Variants in FREM2 observed in about 807,000 individuals in gnomAD.
FREM2 encodes FRAS1-related extracellular matrix protein 2.
FREM2 carries 119 observed loss-of-function variants against 219.9 expected under a neutral mutation model. The ratio of observed to expected loss-of-function variants is 0.54; its 90% CI spans 0.47 to 0.63. The LOEUF is 0.63. Ranked by LOEUF, FREM2 falls within the 30% of genes least tolerant of loss-of-function variation. The pLI, the probability that FREM2 is intolerant of heterozygous loss-of-function variation, is 0.00. For missense variants in FREM2, 4,030 were observed against 3,993.6 expected (o/e 1.01, Z -0.25); for synonymous variants, 1,562 against 1,522.8 (o/e 1.03, Z -0.60).
chr13:38,713,815 G>C (rs1870875457), intron 2 of FREM2, among the ~76,000 whole-genome samples: 1 of 152,160 alleles, frequency 6.6e-6, no homozygotes, highest in Non-Finnish European at 1.5e-5. Flanking sequence ...CTAAACCAGT[G>C]GTTCTCAACT....
intron 11 of FREM2, among the ~76,000 whole-genome samples, chr13:38,853,468 A>G (rs576827493): frequency 6.6e-6 from 1 of 152,220 alleles, no homozygotes; most frequent in Admixed American, 6.5e-5. Flanking sequence ...CTCCTTTCCT[A>G]CCTCTCACTA....
intron 6 of FREM2, among the ~76,000 whole-genome samples, chr13:38,844,176 A>T (rs868563372): frequency 1.3e-5 from 2 of 152,308 alleles, no homozygotes; most frequent in African/African-American, 2.4e-5. Flanking sequence ...TACAGGAGAT[A>T]ACAATATATT....
chr13:38,839,546 C>T (rs1876858118), intron 6 of FREM2, among the ~76,000 whole-genome samples: 1 of 152,208 alleles, frequency 6.6e-6, no homozygotes, highest in Non-Finnish European at 1.5e-5. Flanking sequence ...TTTAAGTCTG[C>T]TGAAGCTGTG....
At chr13:38,806,746 A>G (rs1347740566) in intron 6 of FREM2, among the ~76,000 whole-genome samples, 2 of 151,876 alleles carry the variant, frequency 1.3e-5, no homozygotes, top group Admixed American at 6.6e-5. Flanking sequence ...AAATAAGACA[A>G]CAATGAAGTA....
In FREM2 at chr13:38,864,450, A is replaced by G. The variant is rs772202529; in HGVS notation, c.7827A>G (p.Thr2609=). The part of the protein sequence containing the change: ...ATKNPEIIGE[T]YPYQYSLSIR... ...AAAATCCAGAAATAATTGGAGAGAC[A>G]TATCCTTACCAGTACAGCTTGTCCA... Residue 2609 remains threonine (T), a synonymous_variant, in exon 16 of 24, where the codon ACA becomes ACG. Coordinates refer to ENST00000280481, the MANE Select transcript of FREM2 (RefSeq NM_207361.6). 10 of 1,614,242 alleles carry G rather than the reference A, an allele frequency of 6.2e-6. No individual in the cohort carries two copies. Among genetic ancestry groups the G allele is most frequent in the Non-Finnish European group, 8.5e-6 (10 of 1,180,036 alleles).
chr13:38,832,577 T>A (rs1876551196), intron 6 of FREM2, among the ~76,000 whole-genome samples: 1 of 152,126 alleles, frequency 6.6e-6, no homozygotes, highest in African/African-American at 2.4e-5. Flanking sequence ...TTATTTTTAA[T>A]AAGATATAAT....
chr13:38,792,173 T>C (rs1874588135), intron 6 of FREM2, among the ~76,000 whole-genome samples: 1 of 151,940 alleles, frequency 6.6e-6, no homozygotes, highest in African/African-American at 2.4e-5. Flanking sequence ...ATGGTGAAAC[T>C]GCATCTCTAC....
In FREM2 at chr13:38,838,497, A is replaced by G. The variant is rs190552563; in HGVS notation, c.6020-8076A>G. On this transcript the variant is annotated intron_variant, in intron 6 of 23. Transcript: ENST00000280481. Reference sequence around the variant, plus strand: ...TGTTCTCTGTATTTCCTGAATTTGAATGTTGGCCTGTCTTGCTAGGTTGAG... The same window carrying G: ...TGTTCTCTGTATTTCCTGAATTTGAGTGTTGGCCTGTCTTGCTAGGTTGAG... Among the ~76,000 whole-genome samples, 46 of 152,214 alleles carry G rather than the reference A, an allele frequency of 3.0e-4. No homozygotes were observed. In the East Asian group the frequency reaches 8.7e-3, roughly 29 times the overall value.
Position 38,769,738 on chromosome 13 carries a change from C to A in FREM2, c.5571C>A (p.Leu1857=). 6.2e-7 allele frequency: 1 copy of A among 1,614,136 alleles called. No individual in the cohort carries two copies. Among genetic ancestry groups the A allele is most frequent in the Non-Finnish European group, 8.5e-7 (1 of 1,180,012 alleles). Reference sequence around the variant, plus strand: ...AGTCTGAAACCTTTCAGGTGGTACTCTCAGAGCCCGTGCTGGCTGCCTTGG... The same window carrying A: ...AGTCTGAAACCTTTCAGGTGGTACTATCAGAGCCCGTGCTGGCTGCCTTGG... ...HEQSETFQVV[L]SEPVLAALEF... Residue 1857 remains leucine, a synonymous_variant, in exon 4 of 24, where the codon CTC becomes CTA. Transcript: ENST00000280481.
At chr13:38,760,294 G>A (rs1374873174) in intron 2 of FREM2, among the ~76,000 whole-genome samples, 1 of 152,274 alleles carries the variant, frequency 6.6e-6, no homozygotes, top group South Asian at 2.1e-4. Context: ...TCTCAAGGTG[G>A]TGGTTGTACA....
chr13:38,782,215 G>T (rs1874144976), intron 4 of FREM2, among the ~76,000 whole-genome samples: 1 of 152,154 alleles, frequency 6.6e-6, no homozygotes, highest in African/African-American at 2.4e-5. Context: ...TTTCTGTGTG[G>T]GTGTGAGACT....
intron 6 of FREM2, among the ~76,000 whole-genome samples, chr13:38,830,397 C>T (rs2137887727): frequency 6.6e-6 from 1 of 152,274 alleles, no homozygotes; most frequent in African/African-American, 2.4e-5. Flanking sequence ...TCAATCTTCC[C>T]ACCTCCACTG....
intron 2 of FREM2, among the ~76,000 whole-genome samples, chr13:38,758,591 C>T (rs1873109165): frequency 6.6e-6 from 1 of 152,174 alleles, no homozygotes; most frequent in Non-Finnish European, 1.5e-5. Context: ...CAGCTCTGCA[C>T]CAGGTGGTTT....
At chr13:38,741,041 C>T (rs1267258798) in intron 2 of FREM2, among the ~76,000 whole-genome samples, 1 of 152,182 alleles carries the variant, frequency 6.6e-6, no homozygotes, top group Non-Finnish European at 1.5e-5. Flanking sequence ...GCTTTATACT[C>T]ATTGATTTTA....
rs1422031110 is a variant in FREM2 at position 38,688,483 on chromosome 13, T to A, written c.1139T>A (p.Leu380His). 1.2e-6 allele frequency: 2 copies of A among 1,614,032 alleles called. No individual in the cohort carries two copies. The highest frequency in any genetic ancestry group is 1.7e-6 in the Non-Finnish European group (2 of 1,180,034). ...LVSTDDRSLP[L>H]SSFTQRDLRL... is the part of the protein sequence containing the mutation. ...AGCACCGATGATCGCAGCCTGCCCC[T>A]TTCCTCCTTCACTCAGAGGGATCTG... The change falls in exon 1 of 24, where the codon CTT (leucine) becomes CAT (histidine). Residue 380 changes from leucine (L) to histidine (H), a missense_variant. By Grantham distance (99) the Leu-to-His change is moderately conservative (BLOSUM62 -3). Around this residue, in one of 2 missense-constraint regions of FREM2, gnomAD observed 3,102 missense variants for 2,950.7 expected, o/e 1.05. Transcript: ENST00000280481.
At chr13:38,707,437 T>C (rs1251415715) in intron 2 of FREM2, among the ~76,000 whole-genome samples, 3 of 152,210 alleles carry the variant, frequency 2.0e-5, no homozygotes, top group African/African-American at 7.2e-5. Context: ...GCAGCCTTCA[T>C]GGTAGCTTTT....
In FREM2 at chr13:38,884,296, T is replaced by C. The variant is rs1287917605; in HGVS notation, c.*3509T>C. 6.6e-6 allele frequency: 1 copy of C among 152,210 alleles called. No homozygotes were observed. The highest frequency in any genetic ancestry group is 1.5e-5 in the Non-Finnish European group (1 of 68,034). The allele number at this position is 152,210 out of a possible 1,614,324, so 9.4% of individuals were successfully genotyped here. ...CCAACTCCAAAGTCAACATTAAAAA[T>C]GTAAATGGACCTGTGTAAATATCAC... On this transcript the variant is annotated 3_prime_UTR_variant, in exon 24 of 24. Coordinates refer to ENST00000280481, the MANE Select transcript of FREM2 (RefSeq NM_207361.6).
intron 2 of FREM2, among the ~76,000 whole-genome samples, chr13:38,736,028 A>G (rs919170371): frequency 6.6e-6 from 1 of 152,150 alleles, no homozygotes; most frequent in Non-Finnish European, 1.5e-5. Flanking sequence ...CTTGTGCAGA[A>G]CTGAGATCCC....
rs529245099 is a variant in FREM2 at position 38,886,814 on chromosome 13, A to G, written c.*6027A>G. ...GCCCTCCATAACACTAAGTAAATTT[A>G]TATTTATCTAGCCTCTGAGTGACAT... On this transcript the variant is annotated 3_prime_UTR_variant, in exon 24 of 24. Transcript: ENST00000280481. 1.3e-5 allele frequency: 2 copies of G among 152,310 alleles called. No individual in the cohort carries two copies. Among genetic ancestry groups the G allele is most frequent in the African/African-American group, 4.8e-5 (2 of 41,564 alleles). The allele number at this position is 152,310 out of a possible 1,614,324, so 9.4% of individuals were successfully genotyped here. A position where few individuals can be genotyped will look rare whatever the true frequency, so the allele number is the denominator to read the frequency against.
Sources: gnomAD v4.1 joint callset for allele counts (sites outside exome capture counted in the v4.1 genomes callset) on GRCh38, gnomAD v4.1.1 for gene constraint, gnomAD v4.1.1 regional missense constraint, MANE v1.5 for transcripts, NCBI Gene and HGNC (gene_info 2026-07-23, HGNC 2026-07-21) for gene names.